Variants in CADPS observed in about 807,000 individuals in gnomAD.
CADPS encodes the protein calcium dependent secretion activator.
In CADPS, 57 loss-of-function variants were observed where a neutral mutation model predicts 167.3. That is an observed-to-expected ratio of 0.34 (90% CI 0.28 to 0.42). The LOEUF is 0.42. CADPS is among the 20% of genes least tolerant of loss of function. The probability of loss-of-function intolerance (pLI) is 1.00; values close to 1 mark genes in which losing one functional copy is unlikely to be tolerated. For synonymous variants in CADPS, 676 were observed against 635.3 expected, an observed-to-expected ratio of 1.06 and a Z score of -0.96; for missense variants, 1,414 against 1,738.1, an observed-to-expected ratio of 0.81 and a Z score of 3.32.
At chr3:62,791,332 T>A (rs1453569760) in intron 1 of CADPS, among the ~76,000 whole-genome samples, 1 of 152,216 alleles carries the variant, frequency 6.6e-6, no homozygotes, top group Non-Finnish European at 1.5e-5. Flanking sequence ...TTAATTTCAA[T>A]TAATTGAAAT....
chr3:62,711,747 A>T (rs1220741023), intron 3 of CADPS, among the ~76,000 whole-genome samples: 1 of 152,194 alleles, frequency 6.6e-6, no homozygotes. Flanking sequence ...GGGTTGTAGC[A>T]GGTTTGCTCA....
intron 6 of CADPS, among the ~76,000 whole-genome samples, chr3:62,629,725 T>C (rs2064886058): frequency 6.6e-6 from 1 of 151,938 alleles, no homozygotes; most frequent in African/African-American, 2.4e-5. Context: ...TGTCTCTTTT[T>C]ACTTTACCTC....
At chr3:62,510,461 C>T (rs1025902632) in intron 17 of CADPS, among the ~76,000 whole-genome samples, 8 of 152,072 alleles carry the variant, frequency 5.3e-5, no homozygotes, top group African/African-American at 9.7e-5. Flanking sequence ...GAATGTGTGA[C>T]GGTTTACATG....
At chr3:62,474,109 A>C (rs2060951023) in intron 24 of CADPS, 64 bp downstream of exon 24, 6 of 1,178,438 alleles carry the variant, frequency 5.1e-6, no homozygotes, top group Non-Finnish European at 3.5e-6. Flanking sequence ...GAATTTGTGA[A>C]GTTTTCTTCT....
intron 1 of CADPS, among the ~76,000 whole-genome samples, chr3:62,817,695 T>C (rs924319822): frequency 3.3e-5 from 5 of 152,206 alleles, no homozygotes; most frequent in African/African-American, 1.2e-4. Context: ...TTATTCGGTG[T>C]ACTGTGTAAA....
At chr3:62,852,487 G>C (rs567391728) in intron 1 of CADPS, among the ~76,000 whole-genome samples, 2 of 151,676 alleles carry the variant, frequency 1.3e-5, no homozygotes, top group African/African-American at 4.8e-5. Flanking sequence ...TCCTTTGCCC[G>C]GTGTCAAGTT....
At chr3:62,709,966 T>G (rs1454456854) in intron 3 of CADPS, among the ~76,000 whole-genome samples, 1 of 151,890 alleles carries the variant, frequency 6.6e-6, no homozygotes, top group East Asian at 1.9e-4. Flanking sequence ...GAGACAGGGT[T>G]TCACCATGTT....
chr3:62,777,036 A>G (rs2090472984), intron 1 of CADPS, among the ~76,000 whole-genome samples: 1 of 152,192 alleles, frequency 6.6e-6, no homozygotes, highest in Non-Finnish European at 1.5e-5. Context: ...ACAACAGAGG[A>G]GTCCAAAAAC....
intron 3 of CADPS, among the ~76,000 whole-genome samples, chr3:62,744,925 A>G (rs1050822291): frequency 3.3e-5 from 5 of 152,188 alleles, no homozygotes; most frequent in Non-Finnish European, 5.9e-5. Flanking sequence ...ATATCTGGCC[A>G]TGTGTTCTAG....
intron 3 of CADPS, among the ~76,000 whole-genome samples, chr3:62,670,357 A>G (rs1420689715): frequency 6.6e-6 from 1 of 152,186 alleles, no homozygotes; most frequent in Non-Finnish European, 1.5e-5. Context: ...GCAGTCAATT[A>G]CATTCTGTTG....
At position 62,820,016 on chromosome 3, in the gene CADPS, C is replaced by T. The variant is rs866526936; in HGVS notation, c.442-54032G>A. Among the ~76,000 whole-genome samples, 7 of 110,460 alleles carry T rather than the reference C, an allele frequency of 6.3e-5. No individual in the cohort carries two copies. In the Middle Eastern group the frequency reaches 0.027, roughly 419 times the overall value. The allele number at this position is 110,460 out of a possible 152,430, so 72.5% of individuals were successfully genotyped here. On this transcript the variant is annotated intron_variant, in intron 1 of 29. Coordinates refer to ENST00000383710, the MANE Select transcript of CADPS (RefSeq NM_003716.4). Reference sequence around the variant, plus strand: ...ACTGAGGATAGTTGGGGACCTCACACATATGCATGTGTGCACACACACACA... The same window carrying T: ...ACTGAGGATAGTTGGGGACCTCACATATATGCATGTGTGCACACACACACA...
intron 8 of CADPS, among the ~76,000 whole-genome samples, chr3:62,573,371 A>C (rs2081648023): frequency 6.6e-6 from 1 of 152,040 alleles, no homozygotes; most frequent in African/African-American, 2.4e-5. Flanking sequence ...CAGATGTAGA[A>C]CTTGTGGATG....
intron 4 of CADPS, among the ~76,000 whole-genome samples, chr3:62,657,560 A>G (rs1017990424): frequency 4.6e-5 from 7 of 152,312 alleles, no homozygotes; most frequent in African/African-American, 1.7e-4. Context: ...TCAACATGAG[A>G]GGATTTGGGA....
rs531654174 is a variant in CADPS at position 62,412,253 on chromosome 3, G to C, written c.3778-9068C>G. Reference sequence around the variant, plus strand: ...TGCTGTGGCTTTTCAGGATGGCCGGGTCCTAAAGTTTGGACGGCAGCTCCC... The same window carrying C: ...TGCTGTGGCTTTTCAGGATGGCCGGCTCCTAAAGTTTGGACGGCAGCTCCC... On this transcript the variant is annotated intron_variant, in intron 28 of 29. Transcript: ENST00000383710. The surrounding 1 kb of genome is among the most constrained non-coding windows in gnomAD (Gnocchi z 4.1). Among the ~76,000 whole-genome samples the C allele has an allele frequency of 6.6e-6, 1 of 151,652 alleles. No individual in the cohort carries two copies. Among genetic ancestry groups the C allele is most frequent in the Admixed American group, 6.6e-5 (1 of 15,216 alleles).
chr3:62,597,612 A>G (rs1181047026), intron 6 of CADPS, among the ~76,000 whole-genome samples: 1 of 152,116 alleles, frequency 6.6e-6, no homozygotes, highest in African/African-American at 2.4e-5. Flanking sequence ...CTGCTACCCA[A>G]AGATGCTCAG....
intron 4 of CADPS, among the ~76,000 whole-genome samples, chr3:62,652,162 A>C (rs1512018): frequency 0.098 from 14,947 of 152,130 alleles, 827 homozygotes; most frequent in African/African-American, 0.11. Context: ...CGGAAAAGTG[A>C]ATATTTCCTC....
At position 62,493,512 on chromosome 3, in the gene CADPS, C is replaced by T. The variant is rs1476316151; in HGVS notation, c.2727+133G>A. ...ATGAAAGATGATTATGGAAAAATTC[C>T]ATAAATGAAAGGGTTTGTTCAATGG... On this transcript the variant is annotated intron_variant, in intron 19 of 29. Coordinates refer to ENST00000383710, the MANE Select transcript of CADPS (RefSeq NM_003716.4). 1.2e-5 allele frequency: 7 copies of T among 601,896 alleles called. No homozygotes were observed. In the South Asian group the frequency reaches 1.6e-4, roughly 14 times the overall value. The allele number at this position is 601,896 out of a possible 1,614,324, so 37.3% of individuals were successfully genotyped here.
intron 6 of CADPS, among the ~76,000 whole-genome samples, chr3:62,622,949 T>C (rs1042602896): frequency 5.9e-5 from 9 of 152,212 alleles, no homozygotes; most frequent in Non-Finnish European, 1.3e-4. Flanking sequence ...CTTTGCATTC[T>C]TAACTACTTT....
At chr3:62,442,379 G>A (rs2056484262) in intron 27 of CADPS, among the ~76,000 whole-genome samples, 1 of 151,870 alleles carries the variant, frequency 6.6e-6, no homozygotes, top group South Asian at 2.1e-4. Context: ...CACCACACCC[G>A]GCTAATATTT....
Sources: gnomAD v4.1 joint callset for allele counts (sites outside exome capture counted in the v4.1 genomes callset) on GRCh38, gnomAD v4.1.1 for gene constraint, Gnocchi (gnomAD v3.1) non-coding constraint, MANE v1.5 for transcripts, NCBI Gene and HGNC (gene_info 2026-07-23, HGNC 2026-07-21) for gene names.